Variants in TAFA2 observed in about 807,000 individuals in gnomAD.
TAFA2 encodes TAFA chemokine like family member 2, also known as chemokine-like protein TAFA-2.
A neutral mutation model predicts 18.8 loss-of-function variants in TAFA2; 7 were observed. The ratio of observed to expected loss-of-function variants is 0.37; its 90% CI spans 0.21 to 0.70. TAFA2 has a LOEUF of 0.70. TAFA2 is among the 30% of genes least tolerant of loss of function. The probability of loss-of-function intolerance (pLI) is 0.53; values close to 1 mark genes in which losing one functional copy is unlikely to be tolerated. For missense variants in TAFA2, 122 were observed against 158.1 expected, an observed-to-expected ratio of 0.77 and a Z score of 1.23; for synonymous variants, 60 against 54.2, an observed-to-expected ratio of 1.11 and a Z score of -0.47.
intron 1 of TAFA2, among the ~76,000 whole-genome samples, chr12:61,991,014 T>C (rs964927215): frequency 6.6e-6 from 1 of 152,206 alleles, no homozygotes; most frequent in East Asian, 1.9e-4. Flanking sequence ...TAACTGTGCA[T>C]GGGGCTAAAA....
intron 1 of TAFA2, chr12:61,879,639 T>A: frequency 1.1e-6 from 1 of 896,574 alleles, no homozygotes; most frequent in Non-Finnish European, 1.9e-6. Flanking sequence ...GCCTCCTTCA[T>A]CGACAAGGTA....
At chr12:61,832,133 T>C (rs11174189) in intron 2 of TAFA2, among the ~76,000 whole-genome samples, 41,179 of 151,734 alleles carry the variant, frequency 0.27, 6,507 homozygotes, top group Non-Finnish European at 0.36. Flanking sequence ...CCCTTAAGCC[T>C]AATTACCCTT....
In TAFA2 at chr12:62,038,920, A is replaced by G. The variant is rs565656102; in HGVS notation, c.-2+152339T>C. On this transcript the variant is annotated intron_variant, in intron 1 of 4. Transcript: ENST00000416284. ...CAGGAAAAAATATTAGATGACTCCC[A>G]AACCCTTCACATAGCCTTCTCCCTC... Among the ~76,000 whole-genome samples, 4 of 152,240 alleles carry G rather than the reference A, an allele frequency of 2.6e-5. No homozygotes were observed. The South Asian group carries it at 8.3e-4, about 32-fold the overall frequency.
intron 1 of TAFA2, among the ~76,000 whole-genome samples, chr12:61,929,183 G>T (rs894313423): frequency 2.7e-5 from 4 of 150,640 alleles, no homozygotes; most frequent in African/African-American, 9.8e-5. Context: ...AAGGAGAAAG[G>T]ATCCAATGCA....
chr12:62,169,063 A>C (rs1199571540), intron 1 of TAFA2, among the ~76,000 whole-genome samples: 1 of 152,158 alleles, frequency 6.6e-6, no homozygotes, highest in African/African-American at 2.4e-5. Context: ...AATTAATGTT[A>C]ACTTTTTAGG....
At chr12:62,251,632 A>C (rs760285532) in intron 1 of TAFA2, among the ~76,000 whole-genome samples, 2 of 152,210 alleles carry the variant, frequency 1.3e-5, no homozygotes, top group African/African-American at 2.4e-5. Flanking sequence ...AAGATTGAGC[A>C]GAGAAAGAAA....
chr12:61,972,907 C>T (rs910046052), intron 1 of TAFA2, among the ~76,000 whole-genome samples: 4 of 151,558 alleles, frequency 2.6e-5, no homozygotes, highest in Non-Finnish European at 5.9e-5. Context: ...TTTTGCACCA[C>T]AAAAACTGGT....
intron 1 of TAFA2, among the ~76,000 whole-genome samples, chr12:62,118,065 A>G (rs922605201): frequency 3.3e-5 from 5 of 152,122 alleles, no homozygotes; most frequent in Admixed American, 3.3e-4. Flanking sequence ...ACATTCAACT[A>G]TGCAGTCACC....
chr12:61,969,119 A>G (rs74096143), intron 1 of TAFA2, among the ~76,000 whole-genome samples: 6,899 of 151,812 alleles, frequency 0.045, 530 homozygotes, highest in African/African-American at 0.16. Flanking sequence ...CAAGTCAGAA[A>G]TATCATTATG....
chr12:61,876,569 T>TAGG (rs1874855401), intron 1 of TAFA2, among the ~76,000 whole-genome samples: 1 of 152,218 alleles, frequency 6.6e-6, no homozygotes, highest in East Asian at 1.9e-4. Context: ...TCAACACAGA[T>TAGG]TGTTCTCAAA....
intron 2 of TAFA2, among the ~76,000 whole-genome samples, chr12:61,859,433 A>ATTTTGTTTTTGT (rs71450565): frequency 0.28 from 42,356 of 151,218 alleles, 6,591 homozygotes; most frequent in South Asian, 0.39. Flanking sequence ...ACAAAGCAAT[A>ATTTTGTTTTTGT]TTTTGTTTTT....
chr12:61,911,360 A>G (rs545312023), intron 1 of TAFA2, among the ~76,000 whole-genome samples: 17 of 152,322 alleles, frequency 1.1e-4, no homozygotes, highest in African/African-American at 4.1e-4. Context: ...AATTCCAGTC[A>G]ACAAACCTGT....
intron 1 of TAFA2, among the ~76,000 whole-genome samples, chr12:61,978,603 T>A (rs1246200299): frequency 6.6e-6 from 1 of 151,962 alleles, no homozygotes; most frequent in Non-Finnish European, 1.5e-5. Flanking sequence ...CTCTTGGTTC[T>A]CAGTGGTGCT....
At chr12:61,904,600 T>A (rs1876259117) in intron 1 of TAFA2, among the ~76,000 whole-genome samples, 1 of 152,156 alleles carries the variant, frequency 6.6e-6, no homozygotes, top group East Asian at 1.9e-4. Context: ...CCATTGATGA[T>A]CAACCAAGGT....
At chr12:61,875,709 G>T (rs1874814129) in intron 1 of TAFA2, among the ~76,000 whole-genome samples, 1 of 152,082 alleles carries the variant, frequency 6.6e-6, no homozygotes, top group Non-Finnish European at 1.5e-5. Context: ...TTTTATATTT[G>T]CCCTCTGCTC....
intron 1 of TAFA2, among the ~76,000 whole-genome samples, chr12:62,142,203 A>G (rs2062245270): frequency 6.6e-6 from 1 of 152,248 alleles, no homozygotes; most frequent in Admixed American, 6.5e-5. Flanking sequence ...TGTCATGTAT[A>G]CAATGAGAAA....
At chr12:62,084,470 A>G (rs1868376688) in intron 1 of TAFA2, among the ~76,000 whole-genome samples, 1 of 152,188 alleles carries the variant, frequency 6.6e-6, no homozygotes. Context: ...TTACTAACGC[A>G]GAGTCAAAAA....
chr12:62,258,683 GTAT>G, intron 1 of TAFA2: 4 of 291,310 alleles, frequency 1.4e-5, no homozygotes, highest in South Asian at 1.0e-4. Flanking sequence ...CTTAAGGTAG[GTAT>G]TATTATACTC....
chr12:62,138,914 T>C (rs1471921714), intron 1 of TAFA2, among the ~76,000 whole-genome samples: 3 of 152,176 alleles, frequency 2.0e-5, no homozygotes, highest in Non-Finnish European at 4.4e-5. Flanking sequence ...CTTAGTTAAA[T>C]AATAAGTGCC....
Sources: allele counts gnomAD v4.1 joint callset (sites outside exome capture counted in the v4.1 genomes callset), GRCh38; gene constraint gnomAD v4.1.1; transcripts MANE v1.5; gene names NCBI Gene and HGNC (gene_info 2026-07-23, HGNC 2026-07-21).